The following SHANK1 variants were observed in gnomAD, a reference collection of about 807,000 sequenced individuals.
The protein encoded by SHANK1 is SH3 and multiple ankyrin repeat domains protein 1.
SHANK1 carries 35 observed loss-of-function variants against 165.6 expected under a neutral mutation model. The ratio of observed to expected loss-of-function variants is 0.21; its 90% CI spans 0.16 to 0.28. The LOEUF is 0.28. SHANK1 is among the 10% of genes least tolerant of loss of function. The probability of loss-of-function intolerance (pLI) is 1.00; values close to 1 mark genes in which losing one functional copy is unlikely to be tolerated. For missense variants in SHANK1, 2,681 were observed against 3,036.4 expected, an observed-to-expected ratio of 0.88 and a Z score of 2.75; for synonymous variants, 1,428 against 1,384.8, an observed-to-expected ratio of 1.03 and a Z score of -0.69.
rs41275786 is a variant in SHANK1, at chr19:50,704,518, C to T, written c.1078-4G>A. On this transcript the variant is annotated splice_polypyrimidine_tract_variant and splice_region_variant and intron_variant, in intron 8 of 23. Coordinates refer to ENST00000293441, the MANE Select transcript of SHANK1 (RefSeq NM_016148.5). ...GGAGGATCCTGGCACAGGTCTCCTGCGGGTAATGGCCAGTGGCACAGGACA... is the reference window on the plus strand; with the variant it reads ...GGAGGATCCTGGCACAGGTCTCCTGTGGGTAATGGCCAGTGGCACAGGACA... The T allele has an allele frequency of 0.11, 176,204 of 1,612,296 alleles. 12,429 individuals are homozygous for T. Among genetic ancestry groups the T allele is most frequent in the Admixed American group, 0.35 (20,888 of 59,986 alleles).
At chr19:50,704,277 A>G (rs2088910550) in intron 9 of SHANK1, 91 bp from the exon 10 acceptor site, 4 of 1,408,440 alleles carry the variant, frequency 2.8e-6, no homozygotes, top group Admixed American at 1.7e-5. Context: ...GCCCGACCCA[A>G]ACCTTCCACT....
chr19:50,688,889 G>C lies in SHANK1; in HGVS notation c.2127C>G (p.Gly709=). ...LQYLESVDEG[G]VAWRAGLRMG... is the part of the protein sequence containing the mutation. ...TTCGCAGTCCAGCTCGCCATGCCAC[G>C]CCACCCTCGTCCACCGACTCCAGGT... Residue 709 remains glycine (G), a synonymous_variant, in exon 17 of 24, where the codon GGC becomes GGG. Transcript: ENST00000293441. This position sits in a 1 kb window ranked among gnomAD's most constrained non-coding sequence, Gnocchi z 6.7. The C allele has an allele frequency of 6.3e-7, 1 of 1,590,624 alleles. No individual in the cohort carries two copies. The highest frequency in any genetic ancestry group is 2.3e-5 in the East Asian group (1 of 43,394).
At position 50,667,938 on chromosome 19, in the gene SHANK1, G is replaced by A. The variant is rs1027712825; in HGVS notation, c.4022C>T (p.Pro1341Leu). 9.5e-6 allele frequency: 13 copies of A among 1,372,586 alleles called. No homozygotes were observed. Among genetic ancestry groups the A allele is most frequent in the African/African-American group, 3.1e-5 (2 of 65,518 alleles). The allele number at this position is 1,372,586 out of a possible 1,614,324, so 85.0% of individuals were successfully genotyped here. The stretch of plus-strand genomic sequence containing the variant: ...GGGATCCAGGGCCTTGCCGGTCAGC[G>A]GGTGCACCAGGGGTCGCGGGGGCAG... ...SFLPPRPLVHPLTGKALDPAS... is the reference protein window; with the variant it reads ...SFLPPRPLVHLLTGKALDPAS... The change falls in exon 23 of 24, where the codon CCG becomes CTG. Residue 1341 changes from proline to leucine, a missense_variant. This residue lies in a region of SHANK1 where 1,713 missense variants were observed against 1,630.2 expected (regional missense o/e 1.05). Transcript: ENST00000293441. The surrounding 1 kb of genome is among the most constrained non-coding windows in gnomAD (Gnocchi z 5.7).
chr19:50,682,673 G>A (rs1029927798), intron 21 of SHANK1, among the ~76,000 whole-genome samples: 1 of 151,326 alleles, frequency 6.6e-6, no homozygotes, highest in South Asian at 2.1e-4. Flanking sequence ...AATACAGACT[G>A]GGGGGAGGCA....
chr19:50,679,936 GGAGACAGAGATAGA>G (rs1429047691), intron 21 of SHANK1, among the ~76,000 whole-genome samples: 1 of 151,350 alleles, frequency 6.6e-6, no homozygotes, highest in Non-Finnish European at 1.5e-5. Context: ...GCAGAGATAG[GGAGACAGAGATAGA>G]GAGACAGAGA....
intron 4 of SHANK1, among the ~76,000 whole-genome samples, chr19:50,714,592 G>T (rs910610744): frequency 2.7e-4 from 41 of 151,736 alleles, no homozygotes; most frequent in Non-Finnish European, 4.0e-4. Context: ...CTACTCGGGA[G>T]GCTGAGCTGG....
rs541088711 is a variant in SHANK1, at chr19:50,667,622, G to A, written c.4338C>T (p.His1446=). 27 of 1,430,166 alleles carry A rather than the reference G, an allele frequency of 1.9e-5. No homozygotes were observed. The highest frequency in any genetic ancestry group is 2.4e-4 in the Middle Eastern group (1 of 4,170). 88.6% of individuals were successfully genotyped at this position (1,430,166 alleles called of 1,614,324 possible). ...SPPAARRSLL[H]RLPPTAPGVG... The stretch of plus-strand genomic sequence containing the variant: ...CCCCGGGAGCGGTGGGCGGCAGGCG[G>A]TGTAGCAGGGAACGCCGGGCGGCGG... The change falls in exon 23 of 24, where the codon CAC becomes CAT. Residue 1446 remains histidine, a synonymous_variant. Coordinates refer to ENST00000293441, the MANE Select transcript of SHANK1 (RefSeq NM_016148.5). This position sits in a 1 kb window ranked among gnomAD's most constrained non-coding sequence, Gnocchi z 5.7.
chr19:50,716,287 G>A lies in SHANK1; in HGVS notation c.447C>T (p.Val149=). The A allele has an allele frequency of 6.2e-7, 1 of 1,613,982 alleles. No individual in the cohort carries two copies. The highest frequency in any genetic ancestry group is 8.5e-7 in the Non-Finnish European group (1 of 1,179,938). Residue 149 remains valine (V), a synonymous_variant, in exon 3 of 24, where the codon GTC becomes GTT. Coordinates refer to ENST00000293441, the MANE Select transcript of SHANK1 (RefSeq NM_016148.5). This position sits in a 1 kb window ranked among gnomAD's most constrained non-coding sequence, Gnocchi z 8.4. ...REYPQSFEKG[V]PYLEFRYKTR... Reference sequence around the variant, plus strand: ...GGGGAAGCTTCACCTCCAGGTAGGGGACCCCCTTCTCAAAGGACTGGGGGT... The same window carrying A: ...GGGGAAGCTTCACCTCCAGGTAGGGAACCCCCTTCTCAAAGGACTGGGGGT...
chr19:50,698,704 G>T (rs1986816827), intron 12 of SHANK1, among the ~76,000 whole-genome samples: 1 of 152,210 alleles, frequency 6.6e-6, no homozygotes. Flanking sequence ...CTGAGGCTTG[G>T]AGAGCCAAGA....
Position 50,702,381 on chromosome 19 carries a change from C to T in SHANK1, c.1747+86G>A, listed in dbSNP as rs568384822. On this transcript the variant is annotated intron_variant, in intron 12 of 23. Transcript: ENST00000293441. The surrounding 1 kb of genome is among the most constrained non-coding windows in gnomAD (Gnocchi z 5.3). The stretch of plus-strand genomic sequence containing the variant: ...GAGTGCATGAGATACTCCAGGTGCC[C>T]GAGAATGGTCTGCTCTCTGCTCCAC... 41 of 1,250,936 alleles carry T rather than the reference C, an allele frequency of 3.3e-5. 1 individual carries two copies. The East Asian group carries it at 3.5e-4, about 11-fold the overall frequency. 77.5% of individuals were successfully genotyped at this position (1,250,936 alleles called of 1,614,324 possible).
intron 19 of SHANK1, 80 bp downstream of exon 19, chr19:50,687,502 A>AC: frequency 8.8e-7 from 1 of 1,132,670 alleles, no homozygotes; most frequent in Non-Finnish European, 1.2e-6. Context: ...CACTAACAAC[A>AC]CTAACGAACT....
intron 15 of SHANK1, among the ~76,000 whole-genome samples, chr19:50,693,636 AC>A (rs924326813): frequency 0.024 from 10 of 414 alleles, no homozygotes; most frequent in East Asian, 0.045. Context: ...GCTGCTGTGC[AC>A]GGGCGCACCC....
chr19:50,707,476 C>T (rs1010743589), intron 8 of SHANK1, among the ~76,000 whole-genome samples: 2 of 152,118 alleles, frequency 1.3e-5, no homozygotes, highest in African/African-American at 4.8e-5. Flanking sequence ...TGTTACAGGA[C>T]AGGTTCAGAG....
chr19:50,688,101 G>C lies in SHANK1; in HGVS notation c.2173-43C>G, dbSNP rs567048818. 9 of 1,610,598 alleles carry C rather than the reference G, an allele frequency of 5.6e-6. No individual in the cohort carries two copies. Among genetic ancestry groups the C allele is most frequent in the Non-Finnish European group, 7.6e-6 (9 of 1,178,716 alleles). On this transcript the variant is annotated intron_variant, in intron 17 of 23. Transcript: ENST00000293441. The surrounding 1 kb of genome is among the most constrained non-coding windows in gnomAD (Gnocchi z 6.7). ...CCAGATCACACAGAGTAGACGAGGG[G>C]AGGGGTGCTTGCAGCTTCAGAGACC... is the stretch of plus-strand genomic sequence containing the variant.
At chr19:50,715,044 A>G (rs926347182) in intron 4 of SHANK1, among the ~76,000 whole-genome samples, 2 of 151,988 alleles carry the variant, frequency 1.3e-5, no homozygotes, top group Admixed American at 6.6e-5. Flanking sequence ...GAGGGTAGAC[A>G]AGGAGGGACT....
rs751880773 is a variant in SHANK1 at position 50,716,760 on chromosome 19, C to T, written c.160G>A (p.Val54Ile). 9 of 1,608,716 alleles carry T rather than the reference C, an allele frequency of 5.6e-6. No homozygotes were observed. In the East Asian group the frequency reaches 1.3e-4, roughly 24 times the overall value. ...GSGAPGSLAS[V>I]RGLQGRSMSV... ...ATTGAGCGGCCCTGGAGGCCTCTAA[C>T]AGAGGCCAGGCTACCAGGTGCCCCA... is the stretch of plus-strand genomic sequence containing the variant. The change falls in exon 2 of 24, where the codon GTT (valine) becomes ATT (isoleucine). Residue 54 changes from valine (V) to isoleucine (I), a missense_variant. Val to Ile is a conservative substitution (Grantham distance 29). Around this residue, in one of 10 missense-constraint regions of SHANK1, gnomAD observed 118 missense variants for 106.9 expected, o/e 1.10. Coordinates refer to ENST00000293441, the MANE Select transcript of SHANK1 (RefSeq NM_016148.5). This position sits in a 1 kb window ranked among gnomAD's most constrained non-coding sequence, Gnocchi z 8.4.
intron 23 of SHANK1, among the ~76,000 whole-genome samples, chr19:50,664,032 C>G (rs750822671): frequency 1.4e-4 from 21 of 149,444 alleles, no homozygotes; most frequent in Admixed American, 2.7e-4. Flanking sequence ...CTCAACCTTC[C>G]AGGCTCAAGT....
At chr19:50,682,138 C>T (rs577383585) in intron 21 of SHANK1, among the ~76,000 whole-genome samples, 1 of 152,196 alleles carries the variant, frequency 6.6e-6, no homozygotes, top group Non-Finnish European at 1.5e-5. Context: ...TCACTGTAAC[C>T]TCCATCTCCT....
chr19:50,702,346 G>C lies in SHANK1; in HGVS notation c.1747+121C>G. On this transcript the variant is annotated intron_variant, in intron 12 of 23. Transcript: ENST00000293441. The surrounding 1 kb of genome is among the most constrained non-coding windows in gnomAD (Gnocchi z 5.3). ...CTCAAGGGGTGTCCTGGGGCTCTCT[G>C]AGGTCTCCAGAGTGCATGAGATACT... 1 of 829,136 alleles carries C rather than the reference G, an allele frequency of 1.2e-6. No individual in the cohort carries two copies. Among genetic ancestry groups the C allele is most frequent in the South Asian group, 1.8e-5 (1 of 54,946 alleles). 51.4% of individuals were successfully genotyped at this position (829,136 alleles called of 1,614,324 possible). A position where few individuals can be genotyped will look rare whatever the true frequency, so the allele number is the denominator to read the frequency against.
Sources: allele counts gnomAD v4.1 joint callset (sites outside exome capture counted in the v4.1 genomes callset), GRCh38; gene constraint gnomAD v4.1.1; regional missense constraint gnomAD v4.1.1; non-coding constraint Gnocchi (gnomAD v3.1); transcripts MANE v1.5; gene names NCBI Gene and HGNC (gene_info 2026-07-23, HGNC 2026-07-21).